Variants in RBM26 observed in about 807,000 individuals in gnomAD.
RBM26 encodes the protein RNA binding motif protein 26, also known as RNA-binding protein 26.
In RBM26, 30 loss-of-function variants were observed where a neutral mutation model predicts 123.6. The ratio of observed to expected loss-of-function variants is 0.24; its 90% CI spans 0.18 to 0.33. RBM26 has a LOEUF of 0.33. Ranked by LOEUF, RBM26 falls within the 10% of genes least tolerant of loss-of-function variation. The pLI is 1.00. For missense variants in RBM26, 947 were observed against 1,203.6 expected, an observed-to-expected ratio of 0.79 and a Z score of 3.15; for synonymous variants, 400 against 404.4, an observed-to-expected ratio of 0.99 and a Z score of 0.13.
intron 1 of RBM26, among the ~76,000 whole-genome samples, chr13:79,380,034 T>G (rs1407764606): frequency 3.9e-5 from 6 of 152,150 alleles, no homozygotes; most frequent in Non-Finnish European, 7.4e-5. Flanking sequence ...TGAGCTGGTG[T>G]GAGTAAACTG....
At chr13:79,385,820 A>T (rs999605993) in intron 1 of RBM26, among the ~76,000 whole-genome samples, 3 of 152,142 alleles carry the variant, frequency 2.0e-5, no homozygotes, top group African/African-American at 7.2e-5. Flanking sequence ...AGTTCAAATC[A>T]TATCACCAGG....
At chr13:79,373,319 T>A (rs1229975820) in intron 3 of RBM26, among the ~76,000 whole-genome samples, 2 of 106,054 alleles carry the variant, frequency 1.9e-5, no homozygotes, top group African/African-American at 7.6e-5. Flanking sequence ...TAAATAAATA[T>A]ATATAAATAT....
intron 12 of RBM26, 29 bp downstream of exon 12, chr13:79,355,191 G>T (rs9530901): frequency 6.2e-7 from 1 of 1,603,606 alleles, no homozygotes; most frequent in Non-Finnish European, 8.5e-7. Flanking sequence ...TAAGAAATGC[G>T]CGTACTTTTA....
intron 11 of RBM26, 49 bp from the exon 12 acceptor site, chr13:79,355,433 C>T (rs192469166): frequency 6.0e-5 from 88 of 1,474,898 alleles, no homozygotes; most frequent in Non-Finnish European, 8.0e-5. Flanking sequence ...GAATCTGTTG[C>T]TTCATAGAGT....
At chr13:79,381,243 C>T (rs1223148122) in intron 1 of RBM26, among the ~76,000 whole-genome samples, 2 of 152,122 alleles carry the variant, frequency 1.3e-5, no homozygotes, top group African/African-American at 2.4e-5. Context: ...AAATCTCATA[C>T]TCCAAAGTCC....
chr13:79,341,240 A>T lies in RBM26; in HGVS notation c.2428-13T>A, dbSNP rs983051611. The T allele has an allele frequency of 3.9e-6, 6 of 1,551,624 alleles. No individual in the cohort carries two copies. In the African/African-American group the frequency reaches 8.2e-5, roughly 21 times the overall value. On this transcript the variant is annotated splice_polypyrimidine_tract_variant and intron_variant, in intron 17 of 21. Coordinates refer to ENST00000438737, the MANE Select transcript of RBM26 (RefSeq NM_001366735.2). ...ATTCCTTCTGCATCTAAAAAATAGTAATTAATATTTTAGGTGACAGTAATT... is the reference window on the plus strand; with the variant it reads ...ATTCCTTCTGCATCTAAAAAATAGTTATTAATATTTTAGGTGACAGTAATT...
At chr13:79,323,792 A>G (rs2067998476) in intron 20 of RBM26, among the ~76,000 whole-genome samples, 1 of 151,774 alleles carries the variant, frequency 6.6e-6, no homozygotes, top group Non-Finnish European at 1.5e-5. Context: ...TTTAATTACA[A>G]AATGATTTAC....
Position 79,405,742 on chromosome 13 carries a change from C to T in RBM26, c.33G>A (p.Glu11=). The T allele has an allele frequency of 6.3e-7, 1 of 1,599,468 alleles. No individual in the cohort carries two copies. Among genetic ancestry groups the T allele is most frequent in the Non-Finnish European group, 8.5e-7 (1 of 1,172,554 alleles). The change falls in exon 1 of 22, where the codon GAG becomes GAA. Residue 11 remains glutamate (E), a synonymous_variant. Transcript: ENST00000438737. ...TCTTGCTGAGCCAGGACTTGAGTGC[C>T]TCGAAGTTTTCAATGATCATTTTAG... is the stretch of plus-strand genomic sequence containing the variant. MVSKMIIENF[E]ALKSWLSKTL...
chr13:79,405,910 CG>C lies in RBM26; in HGVS notation c.-137del, dbSNP rs2079492823. 1 of 391,428 alleles carries C rather than the reference CG, an allele frequency of 2.6e-6. No individual in the cohort carries two copies. The highest frequency in any genetic ancestry group is 4.3e-6 in the Non-Finnish European group (1 of 230,024). The allele number at this position is 391,428 out of a possible 1,614,324, so 24.2% of individuals were successfully genotyped here. A position where few individuals can be genotyped will look rare whatever the true frequency, so the allele number is the denominator to read the frequency against. On this transcript the variant is annotated 5_prime_UTR_variant, in exon 1 of 22. Coordinates refer to ENST00000438737, the MANE Select transcript of RBM26 (RefSeq NM_001366735.2). ...GGGAGGCGCCGGTGGCAGGTTCCCG[CG>C]GGCCCCGGTCGGCGAACAGCTCTGC... is the stretch of plus-strand genomic sequence containing the variant.
chr13:79,379,689 TA>T lies in RBM26; in HGVS notation c.72-783del, dbSNP rs777815836. On this transcript the variant is annotated intron_variant, in intron 1 of 21. Transcript: ENST00000438737. ...TATTATCAAAAAAGTAATGTGATTATAAAAAACAGAACAAAAAAAAAAACTC... is the reference window on the plus strand; with the variant it reads ...TATTATCAAAAAAGTAATGTGATTATAAAAACAGAACAAAAAAAAAAACTC... Among the ~76,000 whole-genome samples the T allele has an allele frequency of 6.8e-5, 10 of 147,206 alleles. No individual in the cohort carries two copies. In the East Asian group the frequency reaches 1.6e-3, roughly 23 times the overall value.
At chr13:79,325,966 G>C (rs533331231) in intron 20 of RBM26, among the ~76,000 whole-genome samples, 4 of 152,222 alleles carry the variant, frequency 2.6e-5, no homozygotes, top group Admixed American at 2.0e-4. Context: ...TGTGTTACAA[G>C]TGCCTCAGTA....
chr13:79,337,400 G>C (rs2070630865), intron 18 of RBM26, 98 bp from the exon 19 acceptor site: 2 of 1,356,950 alleles, frequency 1.5e-6, no homozygotes. Context: ...AATGCAATTT[G>C]ACAATGTATT....
At position 79,405,822 on chromosome 13, in the gene RBM26, C is replaced by G; in HGVS notation, c.-48G>C. On this transcript the variant is annotated 5_prime_UTR_variant, in exon 1 of 22. Transcript: ENST00000438737. ...CACACTCCTCCGCCCGCCCAGGTCG[C>G]GGCCGCTACAGCCGCCGCTGCCCCC... The G allele has an allele frequency of 7.8e-7, 1 of 1,284,460 alleles. No homozygotes were observed. The highest frequency in any genetic ancestry group is 1.5e-5 in the African/African-American group (1 of 66,268). 79.6% of individuals were successfully genotyped at this position (1,284,460 alleles called of 1,614,324 possible).
At position 79,337,120 on chromosome 13, in the gene RBM26, A is replaced by G; in HGVS notation, c.2715T>C (p.Asp905=). The change falls in exon 19 of 22, where the codon GAT becomes GAC. Residue 905 remains aspartate (D), a synonymous_variant. Coordinates refer to ENST00000438737, the MANE Select transcript of RBM26 (RefSeq NM_001366735.2). ...ISAFTESDRE[D]LLPHFAQYGE... Reference sequence around the variant, plus strand: ...AAAGTACCGCAAAATGAGGAAGAAGATCTTCTCTATCGCTCTCCGTAAATG... The same window carrying G: ...AAAGTACCGCAAAATGAGGAAGAAGGTCTTCTCTATCGCTCTCCGTAAATG... 6.2e-7 allele frequency: 1 copy of G among 1,614,018 alleles called. No homozygotes were observed. The highest frequency in any genetic ancestry group is 8.5e-7 in the Non-Finnish European group (1 of 1,179,956).
chr13:79,349,847 G>A (rs1388335589), intron 14 of RBM26, among the ~76,000 whole-genome samples: 6 of 152,066 alleles, frequency 3.9e-5, no homozygotes, highest in Middle Eastern at 3.4e-3. Context: ...ACAGGCGCCC[G>A]CCACGAGGCC....
chr13:79,321,075 T>C (rs1225812325), intron 21 of RBM26, among the ~76,000 whole-genome samples: 1 of 151,468 alleles, frequency 6.6e-6, no homozygotes, highest in African/African-American at 2.4e-5. Flanking sequence ...CCTTGAATAC[T>C]AAAATCAACC....
At position 79,406,161 on chromosome 13, in the gene RBM26, G is replaced by C. The variant is rs1185084972; in HGVS notation, c.-387C>G. ...TCGAAAAGGCAAAAGTAAAGAAAGCGAAGGCGAAGGGCAGCTCAATGGGAA... is the reference window on the plus strand; with the variant it reads ...TCGAAAAGGCAAAAGTAAAGAAAGCCAAGGCGAAGGGCAGCTCAATGGGAA... On this transcript the variant is annotated 5_prime_UTR_variant, in exon 1 of 22. Coordinates refer to ENST00000438737, the MANE Select transcript of RBM26 (RefSeq NM_001366735.2). 2.5e-5 allele frequency: 4 copies of C among 161,134 alleles called. No individual in the cohort carries two copies. Among genetic ancestry groups the C allele is most frequent in the African/African-American group, 9.6e-5 (4 of 41,866 alleles). The allele number at this position is 161,134 out of a possible 1,614,324, so 10.0% of individuals were successfully genotyped here. A position where few individuals can be genotyped will look rare whatever the true frequency, so the allele number is the denominator to read the frequency against.
intron 1 of RBM26, among the ~76,000 whole-genome samples, chr13:79,390,905 A>C (rs979377091): frequency 1.3e-5 from 2 of 152,210 alleles, no homozygotes; most frequent in Non-Finnish European, 2.9e-5. Context: ...AATAGTGTAA[A>C]AGATATAGAT....
chr13:79,405,445 T>C (rs534268276), intron 1 of RBM26, among the ~76,000 whole-genome samples: 26 of 152,044 alleles, frequency 1.7e-4, no homozygotes, highest in South Asian at 4.2e-4. Flanking sequence ...CCGGAAAATA[T>C]TGCGGGTGGG....
Sources: allele counts gnomAD v4.1 joint callset (sites outside exome capture counted in the v4.1 genomes callset), GRCh38; gene constraint gnomAD v4.1.1; transcripts MANE v1.5; gene names NCBI Gene and HGNC (gene_info 2026-07-23, HGNC 2026-07-21).